ACACA: variants seen among roughly 807,000 people sequenced by gnomAD.
The protein encoded by ACACA is acetyl-CoA carboxylase 1.
ACACA carries 103 observed loss-of-function variants against 296.1 expected under a neutral mutation model. The observed-to-expected ratio is 0.35, with a 90% CI of 0.30 to 0.41. The LOEUF is 0.41. ACACA is among the 10% of genes least tolerant of loss of function. The pLI is 1.00. For missense variants in ACACA, 1,554 were observed against 2,989.7 expected (o/e 0.52, Z 11.20); for synonymous variants, 953 against 1,038.6 (o/e 0.92, Z 1.58).
At chr17:37,241,520 C>T (rs2080403399) in intron 23 of ACACA, among the ~76,000 whole-genome samples, 2 of 152,030 alleles carry the variant, frequency 1.3e-5, no homozygotes, top group South Asian at 2.1e-4. Flanking sequence ...GCCTGGGCAA[C>T]ATGGCAAAAC....
rs1372750013 is a variant in ACACA, at chr17:37,265,000, G to A, written c.1120-1106C>T. Among the ~76,000 whole-genome samples the A allele has an allele frequency of 2.0e-5, 3 of 152,150 alleles. No homozygotes were observed. In the East Asian group the frequency reaches 5.8e-4, roughly 29 times the overall value. ...GCTGACTGCTGGCTGGTAGGTCTAG[G>A]GAGCCTCAGCTGGAATCGTTCATCT... On this transcript the variant is annotated intron_variant, in intron 10 of 55. Transcript: ENST00000616317.
intron 50 of ACACA, among the ~76,000 whole-genome samples, chr17:37,119,174 G>T (rs373502336): frequency 6.2e-4 from 94 of 152,244 alleles, no homozygotes; most frequent in African/African-American, 2.2e-3. Flanking sequence ...ATATGAATGA[G>T]GGGTTTTCAG....
chr17:37,248,204 T>G, intron 17 of ACACA, 48 bp from the exon 18 acceptor site: 1 of 1,608,490 alleles, frequency 6.2e-7, no homozygotes, highest in Non-Finnish European at 8.5e-7. Context: ...CAGGTACAGC[T>G]CCAAATGAAA....
rs565639159 is a variant in ACACA at position 37,236,470 on chromosome 17, A to G, written c.3122-1371T>C. On this transcript the variant is annotated intron_variant, in intron 24 of 55. Coordinates refer to ENST00000616317, the MANE Select transcript of ACACA (RefSeq NM_198834.3). ...ACATTAACAGAAAGAAAGCAATGAT[A>G]CTTTCTTGTTTTTTTTTTTTTTACT... Among the ~76,000 whole-genome samples, 3 of 151,748 alleles carry G rather than the reference A, an allele frequency of 2.0e-5. No individual in the cohort carries two copies. In the South Asian group the frequency reaches 6.2e-4, roughly 32 times the overall value.
intron 1 of ACACA, among the ~76,000 whole-genome samples, chr17:37,402,390 C>A (rs1219267847): frequency 6.6e-6 from 1 of 152,054 alleles, no homozygotes; most frequent in African/African-American, 2.4e-5. Context: ...ACCTGGCTGG[C>A]AAATGGAGTC....
chr17:37,206,026 C>T (rs1168504018), intron 32 of ACACA, among the ~76,000 whole-genome samples, 154 bp from the exon 33 acceptor site: 1 of 152,194 alleles, frequency 6.6e-6, no homozygotes, highest in African/African-American at 2.4e-5. Context: ...ATTGAAACCA[C>T]TGCCCAATAG....
chr17:37,184,231 T>TCATCACAA, intron 39 of ACACA, among the ~76,000 whole-genome samples: 1 of 152,180 alleles, frequency 6.6e-6, no homozygotes. Flanking sequence ...TTGTAAACTA[T>TCATCACAA]CATCACAAGC....
At chr17:37,235,151 T>C in intron 24 of ACACA, 52 bp from the exon 25 acceptor site, 1 of 1,605,826 alleles carries the variant, frequency 6.2e-7, no homozygotes, top group Non-Finnish European at 8.5e-7. Flanking sequence ...TGTTCACATT[T>C]ACATGCTATT....
In ACACA at chr17:37,199,360, C is replaced by T. The variant is rs181287560; in HGVS notation, c.4158+779G>A. Reference sequence around the variant, plus strand: ...TGATTATAATCAGTCATTTTGAAAACAACATATTGATTCCAAACTGGATTT... The same window carrying T: ...TGATTATAATCAGTCATTTTGAAAATAACATATTGATTCCAAACTGGATTT... On this transcript the variant is annotated intron_variant, in intron 35 of 55. Transcript: ENST00000616317. Among the ~76,000 whole-genome samples the T allele has an allele frequency of 1.3e-3, 193 of 151,932 alleles. 1 individual carries two copies. Among genetic ancestry groups the T allele is most frequent in the Non-Finnish European group, 2.1e-3 (145 of 67,960 alleles).
At chr17:37,111,458 C>G in intron 52 of ACACA, 73 bp downstream of exon 52, 1 of 1,089,314 alleles carries the variant, frequency 9.2e-7, no homozygotes, top group Admixed American at 1.7e-5. Flanking sequence ...GCCTCCTCCC[C>G]TGGCCTATGA....
intron 2 of ACACA, among the ~76,000 whole-genome samples, chr17:37,338,183 T>TCA (rs1473314570): frequency 1.5e-5 from 2 of 134,268 alleles, no homozygotes; most frequent in African/African-American, 2.9e-5. Flanking sequence ...TGAGCCAAGA[T>TCA]CACCACTGCA....
intron 47 of ACACA, 31 bp from the exon 48 acceptor site, chr17:37,125,825 T>C (rs1394576383): frequency 1.3e-6 from 2 of 1,558,606 alleles, no homozygotes; most frequent in South Asian, 1.1e-5. Context: ...AAACAGAGAA[T>C]AAGGACAGTG....
intron 3 of ACACA, among the ~76,000 whole-genome samples, chr17:37,296,086 C>A (rs1164773428): frequency 2.0e-5 from 3 of 152,090 alleles, no homozygotes; most frequent in Non-Finnish European, 4.4e-5. Context: ...TTGGTATACA[C>A]CCTGTGTAAA....
chr17:37,336,114 A>G (rs1242794284), intron 2 of ACACA, among the ~76,000 whole-genome samples: 3 of 152,224 alleles, frequency 2.0e-5, no homozygotes. Context: ...GAATCGAAGC[A>G]GTAAAACTAC....
At chr17:37,253,819 C>G (rs192569519) in intron 14 of ACACA, among the ~76,000 whole-genome samples, 2 of 152,036 alleles carry the variant, frequency 1.3e-5, no homozygotes, top group East Asian at 3.9e-4. Context: ...ATGAATTTTC[C>G]CAAGTGCTTA....
Position 37,260,137 on chromosome 17 carries a change from C to G in ACACA, c.1330-607G>C, listed in dbSNP as rs147103659. Among the ~76,000 whole-genome samples the G allele has an allele frequency of 1.3e-3, 191 of 150,012 alleles. 3 individuals carry two copies. In the East Asian group the frequency reaches 0.032, roughly 25 times the overall value. ...CCTCAAGTGATCTACTCGCCTTGGC[C>G]TACCAAAGTGCTGGGATTACAGGCG... On this transcript the variant is annotated intron_variant, in intron 11 of 55. Coordinates refer to ENST00000616317, the MANE Select transcript of ACACA (RefSeq NM_198834.3).
chr17:37,344,836 T>C (rs546466384), intron 1 of ACACA, among the ~76,000 whole-genome samples: 4 of 152,278 alleles, frequency 2.6e-5, no homozygotes, highest in African/African-American at 7.2e-5. Context: ...GTTGAAATTG[T>C]TTCCGAAGCT....
intron 1 of ACACA, chr17:37,389,178 G>GC: frequency 6.6e-7 from 1 of 1,517,486 alleles, no homozygotes; most frequent in South Asian, 1.2e-5. Context: ...TGCCCAACAA[G>GC]AGGTTTGGAA....
intron 5 of ACACA, among the ~76,000 whole-genome samples, chr17:37,282,290 T>C (rs1403281954): frequency 2.0e-5 from 3 of 152,208 alleles, no homozygotes; most frequent in Non-Finnish European, 4.4e-5. Context: ...TCCCCCTTCA[T>C]CTTCCCCCAG....
Sources: allele counts gnomAD v4.1 joint callset (sites outside exome capture counted in the v4.1 genomes callset), GRCh38; gene constraint gnomAD v4.1.1; transcripts MANE v1.5; gene names NCBI Gene and HGNC (gene_info 2026-07-23, HGNC 2026-07-21).